Variants in TYK2 observed in about 807,000 individuals in gnomAD.
TYK2 encodes tyrosine kinase 2, also known as non-receptor tyrosine-protein kinase TYK2.
In TYK2, 65 loss-of-function variants were observed where a neutral mutation model predicts 130.9. The ratio of observed to expected loss-of-function variants is 0.50; its 90% CI spans 0.41 to 0.61. The LOEUF is 0.61. TYK2 is among the 20% of genes least tolerant of loss of function. The pLI, the probability that TYK2 is intolerant of heterozygous loss-of-function variation, is 0.00. For synonymous variants in TYK2, 647 were observed against 658.9 expected, an observed-to-expected ratio of 0.98 and a Z score of 0.28; for missense variants, 1,378 against 1,610.7, an observed-to-expected ratio of 0.86 and a Z score of 2.47.
Position 10,354,456 on chromosome 19 carries a change from C to A in TYK2, c.2715+56G>T, listed in dbSNP as rs1240164959. 40 of 1,539,200 alleles carry A rather than the reference C, an allele frequency of 2.6e-5. No individual in the cohort carries two copies. The East Asian group carries it at 8.3e-4, about 32-fold the overall frequency. On this transcript the variant is annotated intron_variant, in intron 19 of 24. Transcript: ENST00000525621. Reference sequence around the variant, plus strand: ...CCTTAGGTAGGAATTTATCCTCAACCCCCAAACTCCTTCCCGACCAGGCGG... The same window carrying A: ...CCTTAGGTAGGAATTTATCCTCAACACCCAAACTCCTTCCCGACCAGGCGG...
At chr19:10,355,960 CA>C (rs1250254612) in intron 18 of TYK2, among the ~76,000 whole-genome samples, 1 of 142,820 alleles carries the variant, frequency 7.0e-6, no homozygotes, top group East Asian at 2.1e-4. Flanking sequence ...GACTCCGTCT[CA>C]AAAAAAAGAA....
chr19:10,359,084 TG>T, intron 15 of TYK2, 90 bp downstream of exon 15: 5 of 1,494,698 alleles, frequency 3.3e-6, no homozygotes, highest in Non-Finnish European at 4.5e-6. Flanking sequence ...ACAAAAAAGA[TG>T]GGGTCTCGCC....
chr19:10,354,847 C>T (rs531535994), intron 18 of TYK2, among the ~76,000 whole-genome samples: 1 of 147,472 alleles, frequency 6.8e-6, no homozygotes, highest in Non-Finnish European at 1.5e-5. Context: ...CCCGGGAGTT[C>T]AAGACCAGCC....
chr19:10,354,483 C>T, intron 19 of TYK2, 29 bp downstream of exon 19: 1 of 1,603,720 alleles, frequency 6.2e-7, no homozygotes, highest in Non-Finnish European at 8.5e-7. Flanking sequence ...ACCAGGCGGG[C>T]CTTTTAGCAG....
Position 10,350,921 on chromosome 19 carries a change from G to C in TYK2, c.3477C>G (p.Arg1159=). ...KNCWETEASF[R]PTFENLIPIL... ...TGGGTATGAGGTTCTCGAAGGTTGG[G>C]CGAAAGGACGCCTCTGTCTCCCAGC... is the stretch of plus-strand genomic sequence containing the variant. The change falls in exon 25 of 25, where the codon CGC becomes CGG. Residue 1159 remains arginine (R), a synonymous_variant. Coordinates refer to ENST00000525621, the MANE Select transcript of TYK2 (RefSeq NM_003331.5). 1 of 1,614,202 alleles carries C rather than the reference G, an allele frequency of 6.2e-7. No individual in the cohort carries two copies.
intron 5 of TYK2, 93 bp from the exon 6 acceptor site, chr19:10,366,673 C>T: frequency 7.2e-7 from 1 of 1,391,386 alleles, no homozygotes; most frequent in Non-Finnish European, 1.0e-6. Flanking sequence ...CTGGACCACA[C>T]TGGAAGAAGT....
chr19:10,361,041 C>A lies in TYK2; in HGVS notation c.2047+470G>T. 2.3e-6 allele frequency: 1 copy of A among 438,816 alleles called. No individual in the cohort carries two copies. Among genetic ancestry groups the A allele is most frequent in the Non-Finnish European group, 4.5e-6 (1 of 220,272 alleles). The allele number at this position is 438,816 out of a possible 1,614,324, so 27.2% of individuals were successfully genotyped here. ...AAGTGCTGGGATAGGTGTGAGCCAC[C>A]ACACCTAGCCTATACAAGGAGTTTT... On this transcript the variant is annotated intron_variant, in intron 14 of 24. Coordinates refer to ENST00000525621, the MANE Select transcript of TYK2 (RefSeq NM_003331.5). This position sits in a 1 kb window ranked among gnomAD's most constrained non-coding sequence, Gnocchi z 4.0.
intron 9 of TYK2, among the ~76,000 whole-genome samples, chr19:10,363,930 GC>G (rs2041528383): frequency 6.6e-6 from 1 of 152,242 alleles, no homozygotes; most frequent in East Asian, 1.9e-4. Flanking sequence ...GAGTCACAGG[GC>G]CAGTGACCAG....
At chr19:10,357,375 G>A (rs1293895698) in intron 17 of TYK2, 1 of 631,062 alleles carries the variant, frequency 1.6e-6, no homozygotes, top group African/African-American at 1.8e-5. Context: ...GGCAATTAGA[G>A]TGGAACTTCG....
At position 10,350,880 on chromosome 19, in the gene TYK2, T is replaced by C. The variant is rs1393936841; in HGVS notation, c.3518A>G (p.His1173Arg). The C allele has an allele frequency of 1.9e-6, 3 of 1,614,148 alleles. No individual in the cohort carries two copies. The highest frequency in any genetic ancestry group is 2.5e-6 in the Non-Finnish European group (3 of 1,180,018). ...ENLIPILKTV[H>R]EKYQGQAPSV... ...AGGGGCCTGGCCTTGGTACTTCTCA[T>C]GGACTGTCTTCAGAATGGGTATGAG... Residue 1173 changes from histidine to arginine, a missense_variant, in exon 25 of 25, where the codon CAT (histidine) becomes CGT (arginine). Transcript: ENST00000525621.
At position 10,353,987 on chromosome 19, in the gene TYK2, C is replaced by A; in HGVS notation, c.2908+55G>T. On this transcript the variant is annotated intron_variant, in intron 20 of 24. Coordinates refer to ENST00000525621, the MANE Select transcript of TYK2 (RefSeq NM_003331.5). This position sits in a 1 kb window ranked among gnomAD's most constrained non-coding sequence, Gnocchi z 6.9. ...GACTGGCCCCGCCCACAAGGCCACA[C>A]CCACGCTCTAACCACGCCCCCTCAA... The A allele has an allele frequency of 1.3e-6, 2 of 1,579,048 alleles. No homozygotes were observed. Among genetic ancestry groups the A allele is most frequent in the Middle Eastern group, 1.8e-4 (1 of 5,486 alleles).
At position 10,362,435 on chromosome 19, in the gene TYK2, A is replaced by G; in HGVS notation, c.1498T>C (p.Leu500=). ...TCAATGGGGAACTTTCGGAGCCGCAAGCTCTGCATGCCGTCTGGTGCCTGG... is the reference window on the plus strand; with the variant it reads ...TCAATGGGGAACTTTCGGAGCCGCAGGCTCTGCATGCCGTCTGGTGCCTGG... ...RSQAPDGMQS[L]RLRKFPIEQQ... Residue 500 remains leucine (L), a synonymous_variant, in exon 11 of 25, where the codon TTG becomes CTG. Transcript: ENST00000525621. 7 of 1,606,450 alleles carry G rather than the reference A, an allele frequency of 4.4e-6. No individual in the cohort carries two copies. The highest frequency in any genetic ancestry group is 6.0e-6 in the Non-Finnish European group (7 of 1,175,526).
At chr19:10,374,584 C>CA (rs1278364077) in intron 3 of TYK2, among the ~76,000 whole-genome samples, 4,012 of 49,562 alleles carry the variant, frequency 0.081, 254 homozygotes, top group Middle Eastern at 0.12. Flanking sequence ...GACTCCGTCT[C>CA]AAAAAAAAAA....
At position 10,359,260 on chromosome 19, in the gene TYK2, A is replaced by C; in HGVS notation, c.2090T>G (p.Val697Gly). ...TEYVEHGPLD[V>G]WLRRERGHVP... ...ATGGCCCCGCTCCCTCCGCAGCCAC[A>C]CATCCAGGGGTCCGTGCTCCACGTA... The change falls in exon 15 of 25, where the codon GTG becomes GGG. Residue 697 changes from valine (V) to glycine (G), a missense_variant. Transcript: ENST00000525621. 1 of 1,611,990 alleles carries C rather than the reference A, an allele frequency of 6.2e-7. No homozygotes were observed. Among genetic ancestry groups the C allele is most frequent in the African/African-American group, 1.3e-5 (1 of 75,042 alleles).
chr19:10,361,968 G>T lies in TYK2; in HGVS notation c.1774-13C>A. The T allele has an allele frequency of 6.2e-7, 1 of 1,614,004 alleles. No homozygotes were observed. Among genetic ancestry groups the T allele is most frequent in the Non-Finnish European group, 8.5e-7 (1 of 1,179,982 alleles). On this transcript the variant is annotated splice_polypyrimidine_tract_variant and intron_variant, in intron 12 of 24. Coordinates refer to ENST00000525621, the MANE Select transcript of TYK2 (RefSeq NM_003331.5). The surrounding 1 kb of genome is among the most constrained non-coding windows in gnomAD (Gnocchi z 4.0). ...CCAAGTGGGACAGCTGCGGGATCAT[G>T]TGGCACAGAATACCGCCATGGTGAA...
chr19:10,373,366 C>T (rs190221473), intron 3 of TYK2, among the ~76,000 whole-genome samples: 149 of 144,270 alleles, frequency 1.0e-3, no homozygotes, highest in Non-Finnish European at 1.6e-3. Context: ...TTTTTGAGAC[C>T]GAGTCTCTGT....
intron 3 of TYK2, among the ~76,000 whole-genome samples, chr19:10,374,135 G>T (rs1053842312): frequency 6.6e-6 from 1 of 152,056 alleles, no homozygotes; most frequent in Non-Finnish European, 1.5e-5. Flanking sequence ...GCGTGGTGGT[G>T]GGTGCCTATA....
intron 3 of TYK2, among the ~76,000 whole-genome samples, chr19:10,376,311 C>T (rs1404297888): frequency 9.8e-5 from 10 of 101,874 alleles, no homozygotes; most frequent in South Asian, 7.8e-4. Flanking sequence ...CCGCACCTGG[C>T]CTTTTTTTAT....
intron 3 of TYK2, 124 bp downstream of exon 3, chr19:10,378,078 GTGGATGGATGGA>G: frequency 5.8e-6 from 5 of 867,080 alleles, no homozygotes; most frequent in East Asian, 2.7e-5. Context: ...GGGTGGATGG[GTGGATGGATGGA>G]TGGATGGATG....
Sources: allele counts gnomAD v4.1 joint callset (sites outside exome capture counted in the v4.1 genomes callset), GRCh38; gene constraint gnomAD v4.1.1; non-coding constraint Gnocchi (gnomAD v3.1); transcripts MANE v1.5; gene names NCBI Gene and HGNC (gene_info 2026-07-23, HGNC 2026-07-21).